Variants in CCDC171 observed in about 807,000 individuals in gnomAD.
CCDC171 encodes the protein coiled-coil domain containing 171.
In CCDC171, 177 loss-of-function variants were observed where a neutral mutation model predicts 168.2. The observed-to-expected ratio is 1.05, with a 90% CI of 0.93 to 1.19. The LOEUF is 1.19. Ranked by LOEUF, CCDC171 falls within the 50% of genes most tolerant of loss-of-function variation. The pLI is 0.00. For synonymous variants in CCDC171, 687 were observed against 540.8 expected (o/e 1.27, Z -3.75); for missense variants, 1,991 against 1,539.0 (o/e 1.29, Z -4.91).
chr9:15,598,663 G>T (rs1006341538), intron 6 of CCDC171, among the ~76,000 whole-genome samples: 27 of 152,072 alleles, frequency 1.8e-4, no homozygotes, highest in Non-Finnish European at 3.7e-4. Context: ...TGTCTATTAG[G>T]TCCACTTGGT....
intron 9 of CCDC171, among the ~76,000 whole-genome samples, chr9:15,675,288 C>A (rs10962116): frequency 6.7e-6 from 1 of 149,410 alleles, no homozygotes; most frequent in Non-Finnish European, 1.5e-5. Context: ...GATGGGTCTC[C>A]TGTATACAGC....
chr9:15,648,608 A>G (rs1253400573), intron 7 of CCDC171, among the ~76,000 whole-genome samples: 1 of 152,210 alleles, frequency 6.6e-6, no homozygotes. Context: ...CCAATAACAG[A>G]GAAGCAGAGA....
chr9:16,086,981 T>G, the CCDC171 span, among the ~76,000 whole-genome samples: 1 of 152,224 alleles, frequency 6.6e-6, no homozygotes, highest in South Asian at 2.1e-4. Flanking sequence ...CTTGATTTCA[T>G]TATTTACCCA....
chr9:15,580,534 A>G, intron 4 of CCDC171, among the ~76,000 whole-genome samples: 1 of 152,102 alleles, frequency 6.6e-6, no homozygotes, highest in East Asian at 1.9e-4. Flanking sequence ...AATCAGCAAG[A>G]AAAAAACAAA....
chr9:15,594,261 A>C, intron 6 of CCDC171, 89 bp downstream of exon 6: 1 of 725,476 alleles, frequency 1.4e-6, no homozygotes, highest in Non-Finnish European at 2.2e-6. Context: ...GACTCGCTCA[A>C]AGGGAAAATA....
At chr9:16,014,168 A>T (rs1392436809) in intron 3 of CCDC171, among the ~76,000 whole-genome samples, 1 of 152,248 alleles carries the variant, frequency 6.6e-6, no homozygotes, top group Admixed American at 6.5e-5. Flanking sequence ...CAATATTCTA[A>T]ATCTTTTGTT....
At chr9:16,014,777 A>C (rs1413041870) in intron 3 of CCDC171, among the ~76,000 whole-genome samples, 1 of 152,164 alleles carries the variant, frequency 6.6e-6, no homozygotes, top group East Asian at 1.9e-4. Context: ...TTCTTGAGCA[A>C]TAGTTATCAA....
intron 3 of CCDC171, among the ~76,000 whole-genome samples, chr9:15,994,787 C>G (rs1015841059): frequency 3.3e-5 from 5 of 152,172 alleles, no homozygotes; most frequent in Non-Finnish European, 7.4e-5. Flanking sequence ...GGCTATTTCA[C>G]CATCAGTCAA....
At chr9:15,819,702 G>A (rs971390465) in intron 21 of CCDC171, among the ~76,000 whole-genome samples, 2 of 117,158 alleles carry the variant, frequency 1.7e-5, no homozygotes, top group African/African-American at 6.4e-5. Flanking sequence ...AGTCCTGAGT[G>A]ACCTACAAAG....
chr9:15,989,239 G>T (rs1832102927), intron 3 of CCDC171, among the ~76,000 whole-genome samples: 1 of 152,104 alleles, frequency 6.6e-6, no homozygotes. Flanking sequence ...GCTTCCAGAG[G>T]AACAATCAGG....
intron 25 of CCDC171, among the ~76,000 whole-genome samples, chr9:15,942,005 A>T (rs1188813005): frequency 2.0e-5 from 3 of 151,880 alleles, no homozygotes; most frequent in Admixed American, 6.6e-5. Context: ...CTTTATGTAT[A>T]TGCTGATTTC....
chr9:15,560,091 T>C (rs201804799), intron 1 of CCDC171, among the ~76,000 whole-genome samples: 15 of 152,336 alleles, frequency 9.8e-5, no homozygotes, highest in East Asian at 3.9e-4. Flanking sequence ...GAGTTTCTGC[T>C]GAGAGATCCG....
chr9:15,664,699 T>G (rs7470536), intron 8 of CCDC171, among the ~76,000 whole-genome samples: 56,676 of 141,218 alleles, frequency 0.4, 12,958 homozygotes, highest in East Asian at 0.76. Flanking sequence ...GTTTTGTTTT[T>G]TTTTTTTTTT....
At chr9:15,773,019 TAGTA>T (rs1462049787) in intron 18 of CCDC171, among the ~76,000 whole-genome samples, 6 of 151,908 alleles carry the variant, frequency 3.9e-5, no homozygotes, top group South Asian at 2.1e-4. Context: ...ATTACAATAT[TAGTA>T]ATTATTTTTG....
chr9:15,685,477 T>TA lies in CCDC171; in HGVS notation c.1215+6589dup, dbSNP rs2050327247. Among the ~76,000 whole-genome samples the TA allele has an allele frequency of 2.6e-5, 4 of 151,670 alleles. No individual in the cohort carries two copies. In the South Asian group the frequency reaches 8.4e-4, roughly 32 times the overall value. On this transcript the variant is annotated intron_variant, in intron 10 of 25. Coordinates refer to ENST00000380701, the MANE Select transcript of CCDC171 (RefSeq NM_173550.4). Reference sequence around the variant, plus strand: ...AGACTCCCATATCTACAAAAAAATTTAAAAAAAATGAGCTGTGCGTGGTGA... The same window carrying TA: ...AGACTCCCATATCTACAAAAAAATTTAAAAAAAAATGAGCTGTGCGTGGTGA...
chr9:15,777,078 A>G lies in CCDC171; in HGVS notation c.2672-522A>G, dbSNP rs115091330. ...CATTAAACACAATTATTAATTACAG[A>G]CCTGATGAATCTAGCAGTAAGCAGG... On this transcript the variant is annotated intron_variant, in intron 18 of 25. Coordinates refer to ENST00000380701, the MANE Select transcript of CCDC171 (RefSeq NM_173550.4). 6.1e-3 allele frequency among the ~76,000 whole-genome samples: 922 copies of G among 152,318 alleles called. 15 individuals are homozygous for G. The highest frequency in any genetic ancestry group is 0.021 in the African/African-American group (868 of 41,572).
At chr9:16,024,409 C>T (rs2133029512) in intron 6 of CCDC171, among the ~76,000 whole-genome samples, 1 of 152,306 alleles carries the variant, frequency 6.6e-6, no homozygotes, top group South Asian at 2.1e-4. Context: ...CCAACATCTC[C>T]TCCTTTCTAT....
chr9:15,833,097 C>T (rs2060302045), intron 21 of CCDC171, among the ~76,000 whole-genome samples: 1 of 149,818 alleles, frequency 6.7e-6, no homozygotes, highest in Admixed American at 6.8e-5. Flanking sequence ...AAGTGATTCT[C>T]CTGCCTCAGC....
intron 24 of CCDC171, among the ~76,000 whole-genome samples, chr9:15,919,644 C>T (rs1825035867): frequency 6.6e-6 from 1 of 151,482 alleles, no homozygotes; most frequent in Admixed American, 6.6e-5. Flanking sequence ...TACAATAATT[C>T]CCTAAATATG....
Sources: allele counts gnomAD v4.1 joint callset (sites outside exome capture counted in the v4.1 genomes callset), GRCh38; gene constraint gnomAD v4.1.1; transcripts MANE v1.5; gene names NCBI Gene and HGNC (gene_info 2026-07-23, HGNC 2026-07-21).